Variants in TTC23 observed in about 807,000 individuals in gnomAD.
TTC23 encodes the protein tetratricopeptide repeat domain 23, also known as tetratricopeptide repeat protein 23.
Under a neutral mutation model 55.1 loss-of-function variants are expected in TTC23, and 58 were observed. The observed-to-expected ratio is 1.05, with a 90% CI of 0.85 to 1.31. The LOEUF is 1.31. Among genes scored for constraint, TTC23 ranks in the 50% most tolerant of loss-of-function variants. TTC23 has a pLI of 0.00. For missense variants in TTC23, 516 were observed against 534.4 expected, an observed-to-expected ratio of 0.97 and a Z score of 0.34; for synonymous variants, 203 against 199.9, an observed-to-expected ratio of 1.02 and a Z score of -0.13.
intron 12 of TTC23, chr15:99,151,185 T>G (rs780465809): frequency 6.6e-6 from 1 of 152,212 alleles, no homozygotes; most frequent in Admixed American, 6.5e-5. Context: ...CAGGGAGGGA[T>G]GCTGGCAACC....
chr15:99,233,131 G>C lies in TTC23; in HGVS notation c.-21+1857C>G, dbSNP rs1301242628. Among the ~76,000 whole-genome samples the C allele has an allele frequency of 3.3e-5, 5 of 152,152 alleles. No homozygotes were observed. In the East Asian group the frequency reaches 9.6e-4, roughly 29 times the overall value. ...TAGAATGCTGGTTAGCGGAGGTTGT[G>C]GGAGGAGGAATAAATTCAAGAGATC... On this transcript the variant is annotated intron_variant, in intron 4 of 13. Transcript: ENST00000394132.
At chr15:99,171,517 C>T (rs2072918326) in intron 10 of TTC23, among the ~76,000 whole-genome samples, 1 of 148,536 alleles carries the variant, frequency 6.7e-6, no homozygotes, top group African/African-American at 2.5e-5. Flanking sequence ...ATGGTTGTTA[C>T]TGTCACTATT....
intron 4 of TTC23, 36 bp from the exon 5 acceptor site, chr15:99,228,768 T>C: frequency 1.4e-6 from 2 of 1,423,402 alleles, no homozygotes; most frequent in Non-Finnish European, 9.5e-7. Context: ...TGTTAAATGA[T>C]AATTTCCATA....
intron 11 of TTC23, chr15:99,160,044 G>A (rs1210189118): frequency 6.6e-6 from 1 of 152,256 alleles, no homozygotes; most frequent in Non-Finnish European, 1.5e-5. Flanking sequence ...CTAGAGATGT[G>A]AGGGGGGAAT....
chr15:99,173,243 CA>C (rs1159172037), intron 10 of TTC23, among the ~76,000 whole-genome samples: 21 of 152,338 alleles, frequency 1.4e-4, no homozygotes, highest in African/African-American at 5.1e-4. Flanking sequence ...CCAGCCTTCG[CA>C]CTTGTTTTGA....
chr15:99,211,933 G>A (rs547348968), intron 8 of TTC23, among the ~76,000 whole-genome samples: 3 of 152,220 alleles, frequency 2.0e-5, no homozygotes, highest in East Asian at 1.9e-4. Context: ...GGCCTCAAGC[G>A]ATCCTCCCAT....
intron 2 of TTC23, among the ~76,000 whole-genome samples, chr15:99,244,341 A>C (rs749593583): frequency 1.4e-4 from 22 of 152,214 alleles, no homozygotes; most frequent in Admixed American, 2.6e-4. Flanking sequence ...GGAGAAATAA[A>C]ACATTATTAT....
chr15:99,210,558 C>G (rs2076964781), intron 8 of TTC23, among the ~76,000 whole-genome samples: 1 of 152,148 alleles, frequency 6.6e-6, no homozygotes, highest in Admixed American at 6.6e-5. Flanking sequence ...GCAGGATGTT[C>G]TCAGGGAGCA....
intron 8 of TTC23, among the ~76,000 whole-genome samples, chr15:99,200,862 G>A (rs968830361): frequency 6.6e-5 from 10 of 152,176 alleles, no homozygotes; most frequent in Non-Finnish European, 1.0e-4. Context: ...GTTACAGTAA[G>A]TACATCTATA....
intron 1 of TTC23, among the ~76,000 whole-genome samples, chr15:99,247,193 A>C (rs968560016): frequency 6.6e-6 from 1 of 152,168 alleles, no homozygotes; most frequent in African/African-American, 2.4e-5. Flanking sequence ...ATGTGGACAA[A>C]TTGGAACCCT....
intron 12 of TTC23, among the ~76,000 whole-genome samples, chr15:99,143,823 G>A (rs1244510413): frequency 6.6e-6 from 1 of 152,156 alleles, no homozygotes; most frequent in African/African-American, 2.4e-5. Context: ...TCACCACTGT[G>A]TTCCAGGGCC....
chr15:99,174,043 A>T (rs1227815163), intron 10 of TTC23, among the ~76,000 whole-genome samples: 5 of 152,230 alleles, frequency 3.3e-5, no homozygotes, highest in African/African-American at 9.6e-5. Flanking sequence ...GGGAGCAGGG[A>T]CAAGAAAGGT....
chr15:99,173,296 G>A (rs1468669591), intron 10 of TTC23, among the ~76,000 whole-genome samples: 1 of 152,190 alleles, frequency 6.6e-6, no homozygotes, highest in Non-Finnish European at 1.5e-5. Flanking sequence ...GTTACCATCA[G>A]TTAAAAATTG....
intron 10 of TTC23, among the ~76,000 whole-genome samples, chr15:99,173,167 CA>C (rs1396134982): frequency 2.6e-5 from 4 of 152,204 alleles, no homozygotes; most frequent in Admixed American, 6.5e-5. Flanking sequence ...TTTACGCCCC[CA>C]AGGAAAACAG....
At chr15:99,199,833 G>A in intron 9 of TTC23, 86 bp downstream of exon 9, 1 of 1,345,168 alleles carries the variant, frequency 7.4e-7, no homozygotes, top group Non-Finnish European at 1.0e-6. Context: ...GACAAAGCCA[G>A]GCATTTTCAG....
chr15:99,199,779 G>C (rs1391436793), intron 9 of TTC23, 140 bp downstream of exon 9: 5 of 756,836 alleles, frequency 6.6e-6, no homozygotes, highest in African/African-American at 5.3e-5. Flanking sequence ...CACCTTTGTT[G>C]AGCATCTACT....
chr15:99,165,627 T>TC (rs756358166), intron 10 of TTC23, among the ~76,000 whole-genome samples: 9 of 151,798 alleles, frequency 5.9e-5, no homozygotes, highest in Non-Finnish European at 1.2e-4. Flanking sequence ...ATGGGGCCTG[T>TC]CCCCAGCCAG....
At chr15:99,187,305 C>T (rs187096175) in intron 9 of TTC23, among the ~76,000 whole-genome samples, 4 of 151,720 alleles carry the variant, frequency 2.6e-5, no homozygotes, top group African/African-American at 9.7e-5. Context: ...ATACCTCACA[C>T]TGTATATAAA....
chr15:99,172,771 T>G (rs1417413866), intron 10 of TTC23, among the ~76,000 whole-genome samples: 1 of 152,262 alleles, frequency 6.6e-6, no homozygotes, highest in Non-Finnish European at 1.5e-5. Context: ...ATATTATAAC[T>G]GTGTGAGGTC....
Sources: allele counts gnomAD v4.1 joint callset (sites outside exome capture counted in the v4.1 genomes callset), GRCh38; gene constraint gnomAD v4.1.1; transcripts MANE v1.5; gene names NCBI Gene and HGNC (gene_info 2026-07-23, HGNC 2026-07-21).